RSBN1L: variants seen among roughly 807,000 people sequenced by gnomAD.
The protein encoded by RSBN1L is round spermatid basic protein 1 like.
In RSBN1L, 30 loss-of-function variants were observed where a neutral mutation model predicts 67.7. The observed-to-expected ratio is 0.44, with a 90% CI of 0.33 to 0.60. The LOEUF (loss-of-function observed/expected upper bound fraction) is 0.60. Among genes scored for constraint, RSBN1L ranks in the 20% least tolerant of loss-of-function variants. RSBN1L has a pLI of 0.02. For missense variants in RSBN1L, 992 were observed against 1,031.7 expected (o/e 0.96, Z 0.53); for synonymous variants, 433 against 387.0 (o/e 1.12, Z -1.39).
chr7:77,714,420 T>C (rs1405515477), intron 1 of RSBN1L, among the ~76,000 whole-genome samples: 1 of 152,230 alleles, frequency 6.6e-6, no homozygotes, highest in Non-Finnish European at 1.5e-5. Context: ...TCAGTAGTTT[T>C]GCCTTTTTTA....
At chr7:77,742,127 C>T (rs574239643) in intron 2 of RSBN1L, among the ~76,000 whole-genome samples, 5 of 137,108 alleles carry the variant, frequency 3.6e-5, no homozygotes, top group South Asian at 4.7e-4. Flanking sequence ...CCTGGGAGTA[C>T]GAGACCAGCC....
chr7:77,722,993 A>T (rs1791140126), intron 1 of RSBN1L, among the ~76,000 whole-genome samples: 2 of 136,234 alleles, frequency 1.5e-5, no homozygotes. Flanking sequence ...TTTGAGACAG[A>T]GTTTCGCTTT....
chr7:77,723,571 C>T (rs931164489), intron 1 of RSBN1L, among the ~76,000 whole-genome samples: 3 of 152,010 alleles, frequency 2.0e-5, no homozygotes, highest in Non-Finnish European at 2.9e-5. Flanking sequence ...TGGGTTTAAG[C>T]GATCCTCCCA....
At chr7:77,717,386 CTT>C (rs1286376566) in intron 1 of RSBN1L, among the ~76,000 whole-genome samples, 1 of 151,934 alleles carries the variant, frequency 6.6e-6, no homozygotes, top group Non-Finnish European at 1.5e-5. Context: ...ATAAAAAAGA[CTT>C]TGGTTTTTCT....
chr7:77,724,428 T>C (rs1791165988), intron 1 of RSBN1L, among the ~76,000 whole-genome samples: 1 of 151,474 alleles, frequency 6.6e-6, no homozygotes, highest in Non-Finnish European at 1.5e-5. Context: ...TCTTTTTCTT[T>C]TTTCTTTTTT....
intron 2 of RSBN1L, among the ~76,000 whole-genome samples, chr7:77,736,823 T>C (rs962120807): frequency 1.7e-4 from 26 of 152,202 alleles, no homozygotes; most frequent in African/African-American, 5.5e-4. Context: ...TACTCATATT[T>C]AGATAATCTA....
chr7:77,715,971 C>G (rs1363668034), intron 1 of RSBN1L, among the ~76,000 whole-genome samples: 2 of 152,052 alleles, frequency 1.3e-5, no homozygotes, highest in Non-Finnish European at 2.9e-5. Context: ...TGTGAAAGTT[C>G]TTTACATATT....
rs182845836 is a variant in RSBN1L, at chr7:77,721,925, C to T, written c.587-14485C>T. The stretch of plus-strand genomic sequence containing the variant: ...GTGGAAAGGAAAGAAACTATAGGTA[C>T]GGAAACCCTTTCTTTTAAAAGCTAG... On this transcript the variant is annotated intron_variant, in intron 1 of 7. Coordinates refer to ENST00000334955, the MANE Select transcript of RSBN1L (RefSeq NM_198467.3). Among the ~76,000 whole-genome samples the T allele has an allele frequency of 4.6e-5, 7 of 152,046 alleles. No homozygotes were observed. The East Asian group carries it at 1.2e-3, about 25-fold the overall frequency.
At position 77,749,784 on chromosome 7, in the gene RSBN1L, C is replaced by G. The variant is rs2150425847; in HGVS notation, c.1064C>G (p.Pro355Arg). Residue 355 changes from proline (P) to arginine (R), a missense_variant, in exon 3 of 8, where the codon CCT becomes CGT. Transcript: ENST00000334955. ...FKQLIHIEHQPNGGASVIHAY... is the reference protein window; with the variant it reads ...FKQLIHIEHQRNGGASVIHAY... The stretch of plus-strand genomic sequence containing the variant: ...CAACTCATTCATATAGAGCACCAGC[C>G]TAATGGAGGTGCATCGGTTATCCAT... The G allele has an allele frequency of 1.9e-6, 3 of 1,614,072 alleles. No homozygotes were observed. Among genetic ancestry groups the G allele is most frequent in the East Asian group, 4.5e-5 (2 of 44,874 alleles).
chr7:77,765,456 GA>G (rs1474125867), intron 3 of RSBN1L, 38 bp from the exon 4 acceptor site: 1 of 1,448,762 alleles, frequency 6.9e-7, no homozygotes. Context: ...CAGGTAAAAA[GA>G]ACGTATTTAA....
At chr7:77,705,026 T>G (rs974310075) in intron 1 of RSBN1L, among the ~76,000 whole-genome samples, 5 of 150,940 alleles carry the variant, frequency 3.3e-5, no homozygotes, top group African/African-American at 9.8e-5. Flanking sequence ...AATATAAGAG[T>G]GAGATTCTTC....
At chr7:77,757,433 A>G (rs1791634482) in intron 3 of RSBN1L, among the ~76,000 whole-genome samples, 1 of 152,226 alleles carries the variant, frequency 6.6e-6, no homozygotes, top group African/African-American at 2.4e-5. Flanking sequence ...GGTTAGTGAT[A>G]TATTAGGAAA....
chr7:77,758,680 G>T (rs976033603), intron 3 of RSBN1L, among the ~76,000 whole-genome samples: 2 of 152,182 alleles, frequency 1.3e-5, no homozygotes, highest in Non-Finnish European at 2.9e-5. Flanking sequence ...ACAGGCCTGG[G>T]AAGAATTTGG....
intron 1 of RSBN1L, among the ~76,000 whole-genome samples, chr7:77,707,015 A>T (rs907085934): frequency 6.6e-6 from 1 of 151,466 alleles, no homozygotes; most frequent in Non-Finnish European, 1.5e-5. Flanking sequence ...AATTCCCATT[A>T]AACTAGATTT....
chr7:77,778,152 G>A (rs901386659), intron 6 of RSBN1L, among the ~76,000 whole-genome samples, 186 bp from the exon 7 acceptor site: 9 of 152,104 alleles, frequency 5.9e-5, no homozygotes, highest in African/African-American at 2.2e-4. Flanking sequence ...TCTGTGTCTA[G>A]GTTGAAAGTC....
At chr7:77,775,272 T>C (rs1791898969) in intron 6 of RSBN1L, among the ~76,000 whole-genome samples, 1 of 152,176 alleles carries the variant, frequency 6.6e-6, no homozygotes, top group African/African-American at 2.4e-5. Flanking sequence ...CAGTGGCTCA[T>C]GCTAGTAATC....
rs1053645763 is a variant in RSBN1L, at chr7:77,778,545, G to A, written c.1918G>A (p.Asp640Asn). 1.2e-6 allele frequency: 2 copies of A among 1,612,062 alleles called. No homozygotes were observed. The highest frequency in any genetic ancestry group is 8.5e-7 in the Non-Finnish European group (1 of 1,178,766). ...PPLSQCVQWV[D>N]DAKLNQLRRE... Reference sequence around the variant, plus strand: ...TATTTTTTAGTGTGTCCAATGGGTTGATGATGCAAAACTGAATCAACTGAG... The same window carrying A: ...TATTTTTTAGTGTGTCCAATGGGTTAATGATGCAAAACTGAATCAACTGAG... Residue 640 changes from aspartate to asparagine, a missense_variant, in exon 8 of 8, where the codon GAT becomes AAT. Physicochemically the swap from Asp to Asn is conservative, Grantham distance 23. Around this residue, in one of 7 missense-constraint regions of RSBN1L, gnomAD observed 55 missense variants for 112.8 expected, o/e 0.49. Transcript: ENST00000334955.
intron 2 of RSBN1L, among the ~76,000 whole-genome samples, chr7:77,744,373 T>G (rs1197271152): frequency 6.6e-6 from 1 of 151,792 alleles, no homozygotes; most frequent in Non-Finnish European, 1.5e-5. Flanking sequence ...ATTTTGTCCT[T>G]AAGATACTAA....
At chr7:77,759,044 A>C (rs1791661424) in intron 3 of RSBN1L, among the ~76,000 whole-genome samples, 1 of 152,216 alleles carries the variant, frequency 6.6e-6, no homozygotes, top group East Asian at 1.9e-4. Context: ...GATGATTAAA[A>C]GTCTATTATT....
Sources: allele counts gnomAD v4.1 joint callset (sites outside exome capture counted in the v4.1 genomes callset), GRCh38; gene constraint gnomAD v4.1.1; regional missense constraint gnomAD v4.1.1; transcripts MANE v1.5; gene names NCBI Gene and HGNC (gene_info 2026-07-23, HGNC 2026-07-21).